The following CFAP99 variants were observed in gnomAD, a reference collection of about 807,000 sequenced individuals.
CFAP99 encodes cilia- and flagella-associated protein 99.
CFAP99 carries 84 observed loss-of-function variants against 82.7 expected under a neutral mutation model. That is an observed-to-expected ratio of 1.02 (90% CI 0.85 to 1.22). The LOEUF is 1.22. CFAP99 is among the 50% of genes most tolerant of loss of function. CFAP99 has a pLI of 0.00. For missense variants in CFAP99, 1,059 were observed against 983.5 expected (o/e 1.08, Z -1.03); for synonymous variants, 456 against 429.5 (o/e 1.06, Z -0.76).
At chr4:2,443,156 G>T in exon 5 of CFAP99, 1 of 1,534,234 alleles carries the variant, frequency 6.5e-7, no homozygotes, top group Non-Finnish European at 8.7e-7. Context: ...TCAACCCCCT[G>T]CACCTGTGCT....
intron 6 of CFAP99, 39 bp downstream of exon 6, chr4:2,445,347 C>T (rs1734140746): frequency 7.7e-7 from 1 of 1,290,964 alleles, no homozygotes; most frequent in Admixed American, 3.9e-5. Context: ...GGCTTGCAGG[C>T]ATCAGGGTAG....
At chr4:2,447,896 AG>A (rs1734206286) in intron 6 of CFAP99, among the ~76,000 whole-genome samples, 1 of 144,162 alleles carries the variant, frequency 6.9e-6, no homozygotes, top group Non-Finnish European at 1.5e-5. Context: ...GACATGGGTG[AG>A]TAGATGAATG....
intron 2 of CFAP99, among the ~76,000 whole-genome samples, chr4:2,433,816 G>A (rs1418365623): frequency 6.6e-6 from 1 of 152,232 alleles, no homozygotes; most frequent in Non-Finnish European, 1.5e-5. Flanking sequence ...TCAGGCAGAG[G>A]GAAAAGCCAG....
Position 2,452,161 on chromosome 4 carries a change from G to A in CFAP99, c.976G>A (p.Gly326Arg), listed in dbSNP as rs1734316461. ...GCCCAGGGTTGATAAGCTCGTGGAT[G>A]GGGCTGGGGACTTCTCTGAGTTCTT... Residue 326 changes from glycine to arginine, a missense_variant, in exon 11 of 15, where the codon GGG (glycine) becomes AGG (arginine). By Grantham distance (125) the Gly-to-Arg change is moderately radical. Coordinates refer to ENST00000635017, the Ensembl canonical transcript of CFAP99. The A allele has an allele frequency of 6.5e-7, 1 of 1,536,216 alleles. No homozygotes were observed. Among genetic ancestry groups the A allele is most frequent in the African/African-American group, 1.4e-5 (1 of 73,172 alleles).
chr4:2,438,165 G>C lies in CFAP99; in HGVS notation c.351+1G>C, dbSNP rs1215288815. 6.5e-7 allele frequency: 1 copy of C among 1,530,824 alleles called. No individual in the cohort carries two copies. Among genetic ancestry groups the C allele is most frequent in the Non-Finnish European group, 8.8e-7 (1 of 1,142,282 alleles). 94.8% of individuals were successfully genotyped at this position (1,530,824 alleles called of 1,614,324 possible). ...CCAGCCCGTGGATAAGATGTGCAAG[G>C]TGAGCCACCCCTACCTGCCCACCAG... On this transcript the variant is annotated splice_donor_variant, in intron 4 of 14. Coordinates refer to ENST00000635017, the Ensembl canonical transcript of CFAP99. LOFTEE classifies it high-confidence loss of function.
At chr4:2,423,908 G>A (rs572296408) in intron 1 of CFAP99, among the ~76,000 whole-genome samples, 41 of 152,322 alleles carry the variant, frequency 2.7e-4, no homozygotes, top group Non-Finnish European at 5.6e-4. Context: ...GGACCCAGCC[G>A]GGGCCCAGGG....
Position 2,426,419 on chromosome 4 carries a change from C to G in CFAP99, c.-17-40C>G, listed in dbSNP as rs1733685026. On this transcript the variant is annotated intron_variant, in intron 1 of 14. Transcript: ENST00000635017. Reference sequence around the variant, plus strand: ...GCTGGGGAGGGTCCTGCGGCTACATCCCAGGTGTGGAGGGCGTGACCTGCA... The same window carrying G: ...GCTGGGGAGGGTCCTGCGGCTACATGCCAGGTGTGGAGGGCGTGACCTGCA... The G allele has an allele frequency of 4.6e-6, 6 of 1,295,426 alleles. No individual in the cohort carries two copies. The East Asian group carries it at 1.5e-4, about 33-fold the overall frequency. The allele number at this position is 1,295,426 out of a possible 1,614,324, so 80.2% of individuals were successfully genotyped here.
exon 8 of CFAP99, chr4:2,449,991 A>G: frequency 6.5e-7 from 1 of 1,536,166 alleles, no homozygotes; most frequent in Non-Finnish European, 8.7e-7. Flanking sequence ...CAGGTCCTGC[A>G]GGGAGCGAGT....
chr4:2,454,291 G>A (rs952286869), intron 11 of CFAP99, among the ~76,000 whole-genome samples: 1 of 151,746 alleles, frequency 6.6e-6, no homozygotes, highest in Admixed American at 6.6e-5. Flanking sequence ...ATGAGCCACC[G>A]TGCCCGGCCT....
chr4:2,449,794 G>A (rs1406966011), intron 7 of CFAP99, 44 bp downstream of exon 7: 2 of 1,534,056 alleles, frequency 1.3e-6, no homozygotes, highest in African/African-American at 2.7e-5. Flanking sequence ...CCCCATATGA[G>A]GGATGTGTGA....
intron 14 of CFAP99, among the ~76,000 whole-genome samples, chr4:2,461,685 A>G (rs1396103772): frequency 2.0e-5 from 3 of 152,190 alleles, no homozygotes; most frequent in African/African-American, 4.8e-5. Flanking sequence ...CCAGGCCACA[A>G]ATTCACCAGG....
intron 2 of CFAP99, among the ~76,000 whole-genome samples, chr4:2,435,563 G>C (rs1203764): frequency 6.6e-6 from 1 of 151,886 alleles, no homozygotes; most frequent in Admixed American, 6.5e-5. Flanking sequence ...TTACAGTATC[G>C]TAGAACACAT....
chr4:2,443,044 G>A (rs1734084908), intron 4 of CFAP99, 86 bp from the exon 5 acceptor site: 2 of 697,154 alleles, frequency 2.9e-6, no homozygotes, highest in Non-Finnish European at 5.0e-6. Flanking sequence ...TTGGGGGCAG[G>A]GAGCTCACTG....
chr4:2,426,256 C>G (rs1001299496), intron 1 of CFAP99, among the ~76,000 whole-genome samples: 3 of 152,064 alleles, frequency 2.0e-5, no homozygotes, highest in Non-Finnish European at 4.4e-5. Flanking sequence ...AGGACATGCA[C>G]CTTGGGGTAC....
chr4:2,436,774 G>C, intron 2 of CFAP99, 100 bp from the exon 3 acceptor site: 1 of 973,154 alleles, frequency 1.0e-6, no homozygotes, highest in Non-Finnish European at 1.5e-6. Flanking sequence ...TTGCAGCCCC[G>C]GGGCCGCTCC....
At chr4:2,438,560 C>T (rs1050519992) in intron 4 of CFAP99, among the ~76,000 whole-genome samples, 6 of 152,136 alleles carry the variant, frequency 3.9e-5, no homozygotes, top group Non-Finnish European at 8.8e-5. Flanking sequence ...CCACGCCCGG[C>T]CTCTGGTTGG....
At chr4:2,422,875 T>A (rs1733612180) in intron 1 of CFAP99, among the ~76,000 whole-genome samples, 1 of 152,176 alleles carries the variant, frequency 6.6e-6, no homozygotes, top group Non-Finnish European at 1.5e-5. Context: ...AGCACAGACA[T>A]AGCCCAAAGC....
exon 6 of CFAP99, chr4:2,445,262 C>A: frequency 7.1e-7 from 1 of 1,410,226 alleles, no homozygotes; most frequent in Non-Finnish European, 9.2e-7. Context: ...AGGCCCCGCA[C>A]CATTCCAGCG....
At position 2,462,889 on chromosome 4, in the gene CFAP99, C is replaced by T; in HGVS notation, c.2108C>T (p.Ser703Leu). 3 of 1,365,814 alleles carry T rather than the reference C, an allele frequency of 2.2e-6. No homozygotes were observed. The highest frequency in any genetic ancestry group is 1.9e-6 in the Non-Finnish European group (2 of 1,060,586). 84.6% of individuals were successfully genotyped at this position (1,365,814 alleles called of 1,614,324 possible). ...CTGCAGGCGCTGCAGCAGGGAGGCT[C>T]AGGACCCGGGCCCGCGCGCCGCCTG... is the stretch of plus-strand genomic sequence containing the variant. The change falls in exon 15 of 15, where the codon TCA becomes TTA. Residue 703 changes from serine to leucine, a missense_variant. Coordinates refer to ENST00000635017, the Ensembl canonical transcript of CFAP99. This position sits in a 1 kb window ranked among gnomAD's most constrained non-coding sequence, Gnocchi z 4.1.
Sources: allele counts gnomAD v4.1 joint callset (sites outside exome capture counted in the v4.1 genomes callset), GRCh38; gene constraint gnomAD v4.1.1; non-coding constraint Gnocchi (gnomAD v3.1); transcripts MANE v1.5; gene names NCBI Gene and HGNC (gene_info 2026-07-23, HGNC 2026-07-21).